PDE4D: variants seen among roughly 807,000 people sequenced by gnomAD.
PDE4D encodes 3',5'-cyclic-AMP phosphodiesterase 4D.
Under a neutral mutation model 87.4 loss-of-function variants are expected in PDE4D, and 24 were observed. The observed-to-expected ratio is 0.27, with a 90% CI of 0.20 to 0.39. The LOEUF is 0.39. Among genes scored for constraint, PDE4D ranks in the 10% least tolerant of loss-of-function variants. The pLI is 1.00. For synonymous variants in PDE4D, 384 were observed against 383.2 expected (o/e 1.00, Z -0.02); for missense variants, 714 against 1,041.0 (o/e 0.69, Z 4.32).
At chr5:60,261,799 A>G (rs974386537) in intron 1 of PDE4D, among the ~76,000 whole-genome samples, 4 of 152,124 alleles carry the variant, frequency 2.6e-5, no homozygotes, top group African/African-American at 9.7e-5. Flanking sequence ...GAAATTACCA[A>G]TCTCCTGGGC....
intron 2 of PDE4D, among the ~76,000 whole-genome samples, chr5:60,010,945 G>A (rs1049905125): frequency 7.9e-5 from 12 of 152,090 alleles, no homozygotes; most frequent in South Asian, 2.1e-4. Context: ...ATGGCACAAA[G>A]GCCATGCATA....
At chr5:59,727,449 C>T (rs1390268261) in intron 1 of PDE4D, among the ~76,000 whole-genome samples, 10 of 152,060 alleles carry the variant, frequency 6.6e-5, no homozygotes, top group Non-Finnish European at 1.5e-4. Context: ...TGTTTGATTA[C>T]ATTCATGAAG....
intron 2 of PDE4D, among the ~76,000 whole-genome samples, chr5:60,172,287 C>T (rs953651149): frequency 2.0e-5 from 3 of 151,260 alleles, no homozygotes; most frequent in Non-Finnish European, 3.0e-5. Context: ...CACACACACA[C>T]ACACACACAC....
intron 1 of PDE4D, among the ~76,000 whole-genome samples, chr5:59,707,805 C>A (rs537709288): frequency 2.6e-5 from 4 of 152,146 alleles, no homozygotes; most frequent in Non-Finnish European, 4.4e-5. Flanking sequence ...CTTTTTATGG[C>A]TGCATGGTAT....
At chr5:59,098,314 A>G (rs1280901223) in intron 5 of PDE4D, among the ~76,000 whole-genome samples, 1 of 152,228 alleles carries the variant, frequency 6.6e-6, no homozygotes, top group Non-Finnish European at 1.5e-5. Context: ...AATTACATAA[A>G]GATAATCTGA....
intron 3 of PDE4D, among the ~76,000 whole-genome samples, chr5:59,985,839 CT>C (rs1443458790): frequency 6.6e-6 from 1 of 152,174 alleles, no homozygotes; most frequent in East Asian, 1.9e-4. Context: ...GTCAGCCCAT[CT>C]GTATACATGA....
chr5:59,902,031 G>C lies in PDE4D; in HGVS notation c.272+86457C>G, dbSNP rs545147025. The stretch of plus-strand genomic sequence containing the variant: ...GGATTATACACTATAACACAAGCTA[G>C]AAACAAACTAAGTGTTTAGCAGGAA... On this transcript the variant is annotated intron_variant, in intron 3 of 16. Transcript: ENST00000502484. Among the ~76,000 whole-genome samples the C allele has an allele frequency of 5.3e-5, 8 of 150,984 alleles. No individual in the cohort carries two copies. The South Asian group carries it at 1.7e-3, about 32-fold the overall frequency.
chr5:59,146,968 C>G (rs530766391), intron 5 of PDE4D, among the ~76,000 whole-genome samples: 1 of 152,128 alleles, frequency 6.6e-6, no homozygotes, highest in African/African-American at 2.4e-5. Flanking sequence ...AGCAGGCAAG[C>G]GAGCATTACC....
chr5:60,251,574 G>A (rs1748463689), intron 1 of PDE4D, among the ~76,000 whole-genome samples: 1 of 151,906 alleles, frequency 6.6e-6, no homozygotes, highest in African/African-American at 2.4e-5. Context: ...ATTCCATGGT[G>A]TATATGTACC....
intron 1 of PDE4D, among the ~76,000 whole-genome samples, chr5:59,514,861 C>G (rs190920109): frequency 6.6e-6 from 1 of 152,206 alleles, no homozygotes; most frequent in East Asian, 1.9e-4. Flanking sequence ...CTAATTCATT[C>G]TATAATGAAA....
chr5:60,060,294 T>C (rs1320655486), intron 2 of PDE4D, among the ~76,000 whole-genome samples: 1 of 152,090 alleles, frequency 6.6e-6, no homozygotes, highest in Admixed American at 6.6e-5. Flanking sequence ...AGTTATTTGA[T>C]TTATCCTCTT....
At chr5:59,303,833 A>T (rs1770744763) in intron 1 of PDE4D, among the ~76,000 whole-genome samples, 1 of 152,216 alleles carries the variant, frequency 6.6e-6, no homozygotes, top group Middle Eastern at 3.4e-3. Context: ...TGATGCCTCC[A>T]GATTTGTACT....
At chr5:59,353,709 G>A (rs571256740) in intron 1 of PDE4D, among the ~76,000 whole-genome samples, 27 of 151,304 alleles carry the variant, frequency 1.8e-4, no homozygotes, top group African/African-American at 6.3e-4. Context: ...CTCCTTCCAC[G>A]GCCCTGCTCC....
intron 1 of PDE4D, among the ~76,000 whole-genome samples, chr5:59,354,611 C>T (rs76756409): frequency 9.2e-5 from 14 of 152,202 alleles, no homozygotes; most frequent in Admixed American, 2.0e-4. Flanking sequence ...ATTGTCAGTA[C>T]ATTGTCGTGG....
At chr5:60,357,979 T>C (rs1225971994) in intron 1 of PDE4D, among the ~76,000 whole-genome samples, 2 of 152,208 alleles carry the variant, frequency 1.3e-5, no homozygotes, top group African/African-American at 4.8e-5. Flanking sequence ...CAGTATCTCA[T>C]TTAATCTTCA....
chr5:60,374,730 G>A (rs1761302236), intron 1 of PDE4D, among the ~76,000 whole-genome samples: 1 of 151,794 alleles, frequency 6.6e-6, no homozygotes, highest in Non-Finnish European at 1.5e-5. Flanking sequence ...AGTTCAAAAG[G>A]GAAAAAAGAT....
intron 1 of PDE4D, among the ~76,000 whole-genome samples, chr5:59,555,675 C>T (rs1201221075): frequency 6.6e-6 from 1 of 152,142 alleles, no homozygotes; most frequent in Non-Finnish European, 1.5e-5. Flanking sequence ...TATTGACCTT[C>T]TGTGAACTCT....
At position 59,952,375 on chromosome 5, in the gene PDE4D, G is replaced by T. The variant is rs576441992; in HGVS notation, c.272+36113C>A. On this transcript the variant is annotated intron_variant, in intron 3 of 16. Transcript: ENST00000502484. ...TAAAATTCTCACCCCATCCAACCCT[G>T]CTCCCTCTTTCTCGTCACTTCAAGC... Among the ~76,000 whole-genome samples, 33 of 152,150 alleles carry T rather than the reference G, an allele frequency of 2.2e-4. 1 individual carries two copies. In the South Asian group the frequency reaches 6.4e-3, roughly 30 times the overall value.
intron 1 of PDE4D, among the ~76,000 whole-genome samples, chr5:60,343,907 T>A (rs1271385724): frequency 1.3e-5 from 2 of 152,072 alleles, no homozygotes; most frequent in Non-Finnish European, 2.9e-5. Context: ...GCTTTTCAGC[T>A]CTTCCCTCAG....
Sources: allele counts gnomAD v4.1 joint callset (sites outside exome capture counted in the v4.1 genomes callset), GRCh38; gene constraint gnomAD v4.1.1; transcripts MANE v1.5; gene names NCBI Gene and HGNC (gene_info 2026-07-23, HGNC 2026-07-21).